SLC1A1: variants seen among roughly 807,000 people sequenced by gnomAD.
SLC1A1 encodes the protein excitatory amino acid transporter 3.
A neutral mutation model predicts 53.3 loss-of-function variants in SLC1A1; 43 were observed. The observed-to-expected ratio is 0.81, with a 90% CI of 0.63 to 1.04. The LOEUF (loss-of-function observed/expected upper bound fraction) is 1.04, where lower values mean the gene tolerates loss of function less well. Ranked by LOEUF, SLC1A1 falls within the 50% of genes least tolerant of loss-of-function variation. The pLI, the probability that SLC1A1 is intolerant of heterozygous loss-of-function variation, is 0.00. For synonymous variants in SLC1A1, 307 were observed against 243.2 expected, an observed-to-expected ratio of 1.26 and a Z score of -2.44; for missense variants, 748 against 664.9, an observed-to-expected ratio of 1.12 and a Z score of -1.37.
rs760713773 is a variant in SLC1A1 at position 4,576,703 on chromosome 9, C to T, written c.1133C>T (p.Ala378Val). The change falls in exon 10 of 12, where the codon GCG becomes GTG. Residue 378 changes from alanine to valine, a missense_variant. By Grantham distance (64) the Ala-to-Val change is moderately conservative. Coordinates refer to ENST00000262352, the MANE Select transcript of SLC1A1 (RefSeq NM_004170.6). ...ACTGCGCTCTATGAAGCAGTGGCAGCGGTGTTTATTGCACAGTTGAATGAC... is the reference window on the plus strand; with the variant it reads ...ACTGCGCTCTATGAAGCAGTGGCAGTGGTGTTTATTGCACAGTTGAATGAC... The part of the protein sequence containing the change: ...DGTALYEAVA[A>V]VFIAQLNDLD... The T allele has an allele frequency of 5.6e-6, 9 of 1,614,054 alleles. No individual in the cohort carries two copies. Among genetic ancestry groups the T allele is most frequent in the African/African-American group, 2.7e-5 (2 of 74,934 alleles).
intron 6 of SLC1A1, among the ~76,000 whole-genome samples, chr9:4,568,704 A>G (rs1329013783): frequency 6.6e-6 from 1 of 151,864 alleles, no homozygotes; most frequent in Non-Finnish European, 1.5e-5. Context: ...TCAAAAAAAA[A>G]AAAAAAAACA....
intron 9 of SLC1A1, 124 bp from the exon 10 acceptor site, chr9:4,576,445 C>A: frequency 1.2e-6 from 1 of 824,866 alleles, no homozygotes; most frequent in Non-Finnish European, 2.1e-6. Flanking sequence ...ATTTTCTTTA[C>A]TTTTCTCGAC....
chr9:4,579,882 G>T (rs1438537444), intron 10 of SLC1A1, among the ~76,000 whole-genome samples: 1 of 151,904 alleles, frequency 6.6e-6, no homozygotes, highest in Non-Finnish European at 1.5e-5. Flanking sequence ...AAAATTGTGT[G>T]AGAATATGTG....
At chr9:4,507,120 GC>G (rs1420501638) in intron 1 of SLC1A1, among the ~76,000 whole-genome samples, 1 of 152,158 alleles carries the variant, frequency 6.6e-6, no homozygotes, top group East Asian at 1.9e-4. Flanking sequence ...TGTAGTCCCA[GC>G]CACTTGGGAG....
chr9:4,558,070 A>G lies in SLC1A1; in HGVS notation c.233-3379A>G, dbSNP rs564347072. ...CATTATTATTTGTATTATGATTATC[A>G]TCCTCATCATTATTGACATTACTCG... On this transcript the variant is annotated intron_variant, in intron 2 of 11. Coordinates refer to ENST00000262352, the MANE Select transcript of SLC1A1 (RefSeq NM_004170.6). 3.3e-5 allele frequency among the ~76,000 whole-genome samples: 5 copies of G among 152,286 alleles called. No individual in the cohort carries two copies. In the South Asian group the frequency reaches 1.0e-3, roughly 32 times the overall value.
At chr9:4,504,626 A>C (rs1670577283) in intron 1 of SLC1A1, among the ~76,000 whole-genome samples, 1 of 152,326 alleles carries the variant, frequency 6.6e-6, no homozygotes, top group African/African-American at 2.4e-5. Flanking sequence ...AGAGATTCTG[A>C]GTTCTTGAAG....
chr9:4,495,750 G>A (rs558946495), intron 1 of SLC1A1, among the ~76,000 whole-genome samples: 1 of 151,762 alleles, frequency 6.6e-6, no homozygotes, highest in Non-Finnish European at 1.5e-5. Flanking sequence ...AAGGGGAAAT[G>A]GGTGCCTCAG....
intron 7 of SLC1A1, 139 bp from the exon 8 acceptor site, chr9:4,573,768 G>C: frequency 1.3e-6 from 1 of 749,930 alleles, no homozygotes; most frequent in Non-Finnish European, 2.5e-6. Context: ...ACAACTCTTA[G>C]CTTCAATTCC....
At chr9:4,526,339 A>G (rs1333853833) in intron 1 of SLC1A1, among the ~76,000 whole-genome samples, 1 of 149,712 alleles carries the variant, frequency 6.7e-6, no homozygotes, top group Non-Finnish European at 1.5e-5. Flanking sequence ...ACTTGTATTA[A>G]TATTAATAAA....
chr9:4,563,205 T>C (rs1819144953), intron 3 of SLC1A1, among the ~76,000 whole-genome samples: 1 of 150,970 alleles, frequency 6.6e-6, no homozygotes. Flanking sequence ...TACTCAGATG[T>C]GGCAGCAGCT....
chr9:4,490,605 G>T lies in SLC1A1; in HGVS notation c.-75G>T. The T allele has an allele frequency of 8.1e-7, 1 of 1,238,592 alleles. No individual in the cohort carries two copies. Among genetic ancestry groups the T allele is most frequent in the South Asian group, 1.3e-5 (1 of 79,122 alleles). 76.7% of individuals were successfully genotyped at this position (1,238,592 alleles called of 1,614,324 possible). A position where few individuals can be genotyped will look rare whatever the true frequency, so the allele number is the denominator to read the frequency against. ...TGCACCCGCATCTCGCCGCGCCGCCGAGCAGCCAGCAGTCCCCGGGTCGCC... is the reference window on the plus strand; with the variant it reads ...TGCACCCGCATCTCGCCGCGCCGCCTAGCAGCCAGCAGTCCCCGGGTCGCC... On this transcript the variant is annotated 5_prime_UTR_variant, in exon 1 of 12. Transcript: ENST00000262352.
chr9:4,536,046 A>C (rs1454643827), intron 1 of SLC1A1, among the ~76,000 whole-genome samples: 1 of 152,228 alleles, frequency 6.6e-6, no homozygotes, highest in Non-Finnish European at 1.5e-5. Context: ...AATTAATACA[A>C]GATGGATGAA....
intron 1 of SLC1A1, among the ~76,000 whole-genome samples, chr9:4,513,337 G>T (rs1380511474): frequency 6.6e-6 from 1 of 152,064 alleles, no homozygotes; most frequent in Non-Finnish European, 1.5e-5. Flanking sequence ...AATATATAGA[G>T]AAACTCTCAA....
chr9:4,535,207 G>A (rs918077595), intron 1 of SLC1A1, among the ~76,000 whole-genome samples: 2 of 152,156 alleles, frequency 1.3e-5, no homozygotes, highest in African/African-American at 2.4e-5. Flanking sequence ...GTTCTGGCCA[G>A]GGCAATCAGG....
intron 1 of SLC1A1, among the ~76,000 whole-genome samples, chr9:4,526,721 A>G (rs535518900): frequency 1.3e-5 from 2 of 152,304 alleles, no homozygotes; most frequent in African/African-American, 4.8e-5. Flanking sequence ...CAAAATTACA[A>G]TTAAGAAATA....
At chr9:4,490,856 C>A in intron 1 of SLC1A1, 86 bp downstream of exon 1, 1 of 1,141,558 alleles carries the variant, frequency 8.8e-7, no homozygotes, top group Non-Finnish European at 1.3e-6. Flanking sequence ...GGGCTTGGCG[C>A]TGGCGCACTC....
rs934640482 is a variant in SLC1A1 at position 4,543,533 on chromosome 9, G to A, written c.92-1034G>A. Among the ~76,000 whole-genome samples, 3 of 152,268 alleles carry A rather than the reference G, an allele frequency of 2.0e-5. No homozygotes were observed. In the East Asian group the frequency reaches 5.8e-4, roughly 29 times the overall value. ...CCATACAACTGAAGGATTTCAATAT[G>A]GGCATCTTGTTAAGGAAAAGCTTTC... On this transcript the variant is annotated intron_variant, in intron 1 of 11. Transcript: ENST00000262352.
intron 2 of SLC1A1, among the ~76,000 whole-genome samples, chr9:4,558,418 T>G (rs2129643453): frequency 6.6e-6 from 1 of 152,186 alleles, no homozygotes; most frequent in East Asian, 1.9e-4. Flanking sequence ...TCCGGGAAAT[T>G]GGTAGGATGG....
chr9:4,568,546 C>T (rs1186629000), intron 6 of SLC1A1, among the ~76,000 whole-genome samples: 3 of 151,766 alleles, frequency 2.0e-5, no homozygotes, highest in Non-Finnish European at 2.9e-5. Context: ...TATAGTGAGA[C>T]CCCATATGCA....
Sources: gnomAD v4.1 joint callset for allele counts (sites outside exome capture counted in the v4.1 genomes callset) on GRCh38, gnomAD v4.1.1 for gene constraint, MANE v1.5 for transcripts, NCBI Gene and HGNC (gene_info 2026-07-23, HGNC 2026-07-21) for gene names.